Variants in WIF1 observed in about 807,000 individuals in gnomAD.
WIF1 encodes Wnt inhibitory factor 1.
In WIF1, 35 loss-of-function variants were observed where a neutral mutation model predicts 53.5. That is an observed-to-expected ratio of 0.65 (90% CI 0.50 to 0.87). The LOEUF is 0.87. Ranked by LOEUF, WIF1 falls within the 40% of genes least tolerant of loss-of-function variation. The pLI, the probability that WIF1 is intolerant of heterozygous loss-of-function variation, is 0.00. For missense variants in WIF1, 467 were observed against 476.8 expected (o/e 0.98, Z 0.19); for synonymous variants, 171 against 170.4 (o/e 1.00, Z -0.03).
intron 3 of WIF1, among the ~76,000 whole-genome samples, chr12:65,071,604 T>G (rs1161986322): frequency 2.0e-5 from 3 of 152,170 alleles, no homozygotes; most frequent in African/African-American, 7.2e-5. Context: ...AGGCTTGCAA[T>G]TTTTGCTAAT....
intron 2 of WIF1, among the ~76,000 whole-genome samples, chr12:65,106,498 G>T (rs1477851687): frequency 1.3e-5 from 2 of 151,822 alleles, no homozygotes; most frequent in Non-Finnish European, 2.9e-5. Context: ...TCAGTAGCTG[G>T]GATTACAGGT....
chr12:65,075,224 T>G (rs919798727), intron 3 of WIF1, among the ~76,000 whole-genome samples: 1 of 152,232 alleles, frequency 6.6e-6, no homozygotes, highest in African/African-American at 2.4e-5. Flanking sequence ...CTGTGTTTAT[T>G]TAGTCTCCCA....
intron 3 of WIF1, among the ~76,000 whole-genome samples, chr12:65,077,084 T>C (rs1357517313): frequency 6.6e-6 from 1 of 152,166 alleles, no homozygotes; most frequent in Non-Finnish European, 1.5e-5. Context: ...TATTTGACTT[T>C]GGGCAAGTCA....
chr12:65,079,691 A>G (rs544906492), intron 2 of WIF1, among the ~76,000 whole-genome samples: 1 of 152,118 alleles, frequency 6.6e-6, no homozygotes, highest in East Asian at 1.9e-4. Context: ...TTAGAAATAA[A>G]GAACAATCAA....
intron 2 of WIF1, among the ~76,000 whole-genome samples, chr12:65,097,069 C>A (rs1253963844): frequency 6.7e-6 from 1 of 149,222 alleles, no homozygotes; most frequent in Non-Finnish European, 1.5e-5. Context: ...TCGATGTATC[C>A]AAATCAGCAA....
intron 2 of WIF1, among the ~76,000 whole-genome samples, chr12:65,091,888 G>GCA (rs1004755531): frequency 6.6e-6 from 1 of 152,084 alleles, no homozygotes; most frequent in Admixed American, 6.6e-5. Flanking sequence ...TCTGCTCTAG[G>GCA]CACTAGGGAT....
At chr12:65,071,475 T>C (rs1882773482) in intron 3 of WIF1, among the ~76,000 whole-genome samples, 1 of 152,136 alleles carries the variant, frequency 6.6e-6, no homozygotes, top group Non-Finnish European at 1.5e-5. Flanking sequence ...TTCATTTTCT[T>C]AGTAAACCAA....
chr12:65,115,677 G>A (rs1454975222), intron 2 of WIF1, among the ~76,000 whole-genome samples: 9 of 152,204 alleles, frequency 5.9e-5, no homozygotes, highest in Non-Finnish European at 1.2e-4. Context: ...AGCTTTTGCA[G>A]TAGAAATTCT....
At chr12:65,119,966 GA>G (rs1178946092) in intron 2 of WIF1, among the ~76,000 whole-genome samples, 1 of 152,186 alleles carries the variant, frequency 6.6e-6, no homozygotes, top group East Asian at 1.9e-4. Flanking sequence ...ACGTTCCAGT[GA>G]ATAACATTCA....
rs1369859229 is a variant in WIF1, at chr12:65,067,761, C to T, written c.568G>A (p.Gly190Ser). 2 of 1,613,342 alleles carry T rather than the reference C, an allele frequency of 1.2e-6. No individual in the cohort carries two copies. Among genetic ancestry groups the T allele is most frequent in the Non-Finnish European group, 1.7e-6 (2 of 1,179,466 alleles). Residue 190 changes from glycine (G) to serine (S), a missense_variant, in exon 5 of 10, where the codon GGC (glycine) becomes AGC (serine). Gly to Ser is a moderately conservative substitution (Grantham distance 56, BLOSUM62 0). Transcript: ENST00000286574. ...AECPGGCRNG[G>S]FCNERRICEC... is the part of the protein sequence containing the mutation. Reference sequence around the variant, plus strand: ...CAGATGCGTCTTTCATTACAAAAGCCTCCATTTCGGCACCCGCCTGGGCAC... The same window carrying T: ...CAGATGCGTCTTTCATTACAAAAGCTTCCATTTCGGCACCCGCCTGGGCAC...
intron 9 of WIF1, among the ~76,000 whole-genome samples, 191 bp from the exon 10 acceptor site, chr12:65,051,661 C>G (rs1031455497): frequency 1.3e-5 from 2 of 152,156 alleles, no homozygotes; most frequent in South Asian, 2.1e-4. Flanking sequence ...TCCATGAAAC[C>G]AGGTTTCCAT....
In WIF1 at chr12:65,120,418, T is replaced by G; in HGVS notation, c.287A>C (p.Gln96Pro). ...AAGGGTAATTTTCTCAGAACTTACC[T>G]GCCCTGCAGCTTGCCAGGTAAAATT... is the stretch of plus-strand genomic sequence containing the variant. ...SMNFTWQAAG[Q>P]AEYFYEFLSL... The change falls in exon 2 of 10, where the codon CAG becomes CCG. Residue 96 changes from glutamine (Q) to proline (P), a missense_variant and splice_region_variant. Coordinates refer to ENST00000286574, the MANE Select transcript of WIF1 (RefSeq NM_007191.5). 1 of 1,613,060 alleles carries G rather than the reference T, an allele frequency of 6.2e-7. No individual in the cohort carries two copies. The highest frequency in any genetic ancestry group is 1.3e-5 in the African/African-American group (1 of 74,990).
chr12:65,066,592 A>T, intron 6 of WIF1, 49 bp downstream of exon 6: 1 of 1,500,846 alleles, frequency 6.7e-7, no homozygotes, highest in Non-Finnish European at 9.1e-7. Flanking sequence ...TATTCTAATC[A>T]AACATTTTAA....
intron 6 of WIF1, among the ~76,000 whole-genome samples, chr12:65,064,891 A>G (rs919021973): frequency 3.3e-5 from 5 of 152,176 alleles, no homozygotes; most frequent in Admixed American, 2.6e-4. Flanking sequence ...TCTTGTGAAT[A>G]CATGAGTTCT....
At chr12:65,119,240 A>G (rs1335503239) in intron 2 of WIF1, among the ~76,000 whole-genome samples, 1 of 152,226 alleles carries the variant, frequency 6.6e-6, no homozygotes, top group Non-Finnish European at 1.5e-5. Context: ...CTATAGAGCA[A>G]TGGAAACCTC....
chr12:65,119,433 A>G (rs1195712947), intron 2 of WIF1, among the ~76,000 whole-genome samples: 1 of 152,208 alleles, frequency 6.6e-6, no homozygotes, highest in Non-Finnish European at 1.5e-5. Flanking sequence ...AAGACAGCTA[A>G]AAAGGTCATG....
intron 9 of WIF1, 125 bp downstream of exon 9, chr12:65,054,993 T>C (rs1592385757): frequency 1.1e-6 from 1 of 916,824 alleles, no homozygotes; most frequent in Non-Finnish European, 1.6e-6. Context: ...GGCTGAGTTA[T>C]AGGTTGACTG....
chr12:65,086,173 A>G (rs936328804), intron 2 of WIF1, among the ~76,000 whole-genome samples: 5 of 152,138 alleles, frequency 3.3e-5, no homozygotes, highest in Admixed American at 1.3e-4. Flanking sequence ...TATTGGTATA[A>G]ATATAGTCTT....
intron 4 of WIF1, among the ~76,000 whole-genome samples, chr12:65,068,031 C>A (rs532886538): frequency 6.6e-6 from 1 of 152,224 alleles, no homozygotes; most frequent in Non-Finnish European, 1.5e-5. Context: ...GAAGGTAAGG[C>A]AAATTTTATT....
Sources: gnomAD v4.1 joint callset for allele counts (sites outside exome capture counted in the v4.1 genomes callset) on GRCh38, gnomAD v4.1.1 for gene constraint, MANE v1.5 for transcripts, NCBI Gene and HGNC (gene_info 2026-07-23, HGNC 2026-07-21) for gene names.